The following PCDH11X variants were observed in gnomAD, a reference collection of about 807,000 sequenced individuals.
PCDH11X encodes the protein protocadherin-11 X-linked.
A neutral mutation model predicts 53.3 loss-of-function variants in PCDH11X; 18 were observed. That is an observed-to-expected ratio of 0.34 (90% confidence interval 0.23 to 0.50). The LOEUF is 0.50. Ranked by LOEUF, PCDH11X falls within the 20% of genes least tolerant of loss-of-function variation. The pLI is 0.98. For missense variants in PCDH11X, 570 were observed against 1,032.4 expected, an observed-to-expected ratio of 0.55 and a Z score of 6.14; for synonymous variants, 279 against 393.3, an observed-to-expected ratio of 0.71 and a Z score of 3.44.
intron 7 of PCDH11X, among the ~76,000 whole-genome samples, chrX:92,240,011 A>G (rs967225593): frequency 2.7e-5 from 3 of 112,081 alleles, no homozygotes; most frequent in Non-Finnish European, 5.6e-5. Flanking sequence ...TTCTAATGCT[A>G]GTTAACACAT....
chrX:92,117,174 C>T (rs964329121), intron 6 of PCDH11X, among the ~76,000 whole-genome samples: 1 of 108,551 alleles, frequency 9.2e-6, no homozygotes, highest in Admixed American at 1.0e-4. Context: ...TGGTGGCTCA[C>T]GCCTGTAATC....
chrX:92,153,092 G>C (rs1480435370), intron 6 of PCDH11X, among the ~76,000 whole-genome samples: 1 of 108,282 alleles, frequency 9.2e-6, no homozygotes, highest in Non-Finnish European at 1.9e-5. Context: ...GGCCTCTTTC[G>C]ATATTAACTG....
chrX:91,983,571 A>G (rs1357240306), intron 6 of PCDH11X: 2 of 449,262 alleles, frequency 4.5e-6, no homozygotes, highest in Non-Finnish European at 8.0e-6. Flanking sequence ...GTGCGGAGGC[A>G]GAGAACTAAG....
rs191866835 is a variant in PCDH11X at position 92,192,513 on chromosome X, T to A, written c.3034-8862T>A. 5.6e-4 allele frequency among the ~76,000 whole-genome samples: 61 copies of A among 109,528 alleles called. 1 individual carries two copies. Among genetic ancestry groups the A allele is most frequent in the African/African-American group, 1.9e-3 (57 of 30,009 alleles). ...GTGCGCCAACACGCCCAGCTAATTT[T>A]TTTTTTTGTATTTTTAGTAGAGATG... On this transcript the variant is annotated intron_variant, in intron 6 of 10. Transcript: ENST00000682573.
At chrX:92,114,726 G>A (rs2064600793) in intron 6 of PCDH11X, among the ~76,000 whole-genome samples, 1 of 111,196 alleles carries the variant, frequency 9.0e-6, no homozygotes, top group African/African-American at 3.3e-5. Context: ...TGGTTTCCTT[G>A]CTCCCTGCCT....
chrX:92,135,345 A>G (rs2065065130), intron 6 of PCDH11X, among the ~76,000 whole-genome samples: 1 of 111,623 alleles, frequency 9.0e-6, no homozygotes, highest in African/African-American at 3.3e-5. Context: ...TCACAATGAT[A>G]GTGTAACGAA....
intron 6 of PCDH11X, among the ~76,000 whole-genome samples, chrX:92,194,164 G>A (rs998923089): frequency 9.0e-6 from 1 of 111,466 alleles, no homozygotes; most frequent in Non-Finnish European, 1.9e-5. Context: ...AAAATAATTG[G>A]GGATCATTAG....
chrX:92,016,451 T>G (rs1602685563), intron 6 of PCDH11X, among the ~76,000 whole-genome samples: 1 of 110,320 alleles, frequency 9.1e-6, no homozygotes, highest in East Asian at 2.9e-4. Context: ...TGTTGTTCAG[T>G]GTAGCCACCT....
At chrX:92,581,713 A>G (rs1923730762) in intron 10 of PCDH11X, among the ~76,000 whole-genome samples, 1 of 112,056 alleles carries the variant, frequency 8.9e-6, no homozygotes, top group African/African-American at 3.2e-5. Flanking sequence ...TTTGGTATTA[A>G]GTAACAGGCA....
At chrX:92,615,001 G>T (rs1314375150) in intron 10 of PCDH11X, among the ~76,000 whole-genome samples, 2 of 111,656 alleles carry the variant, frequency 1.8e-5, no homozygotes, top group African/African-American at 3.3e-5. Context: ...CTGAAGATCT[G>T]CCTGGGCATA....
At chrX:92,574,825 A>G (rs1414411718) in intron 10 of PCDH11X, among the ~76,000 whole-genome samples, 1 of 110,996 alleles carries the variant, frequency 9.0e-6, no homozygotes. Flanking sequence ...TGAGAGGTAG[A>G]TGTTCTGCAT....
chrX:92,340,611 G>T (rs964060418), intron 8 of PCDH11X, among the ~76,000 whole-genome samples: 19 of 112,026 alleles, frequency 1.7e-4, no homozygotes, highest in Admixed American at 4.7e-4. Flanking sequence ...GAGGCCCTTA[G>T]AGCTGAGACT....
chrX:92,168,677 T>C (rs1433474706), intron 6 of PCDH11X, among the ~76,000 whole-genome samples: 1 of 112,063 alleles, frequency 8.9e-6, no homozygotes, highest in Non-Finnish European at 1.9e-5. Context: ...TTCCATTGTT[T>C]ACTATAGAAT....
intron 6 of PCDH11X, among the ~76,000 whole-genome samples, chrX:91,984,742 C>T (rs1263155013): frequency 5.4e-5 from 6 of 110,706 alleles, no homozygotes; most frequent in African/African-American, 2.0e-4. Flanking sequence ...GCCTTTCTCC[C>T]GCCCCCCATC....
At chrX:92,151,317 C>T (rs752052400) in intron 6 of PCDH11X, among the ~76,000 whole-genome samples, 2 of 110,152 alleles carry the variant, frequency 1.8e-5, no homozygotes, top group Non-Finnish European at 3.8e-5. Flanking sequence ...CTCAGCCTTC[C>T]GAGTAGCTGG....
At chrX:92,475,655 T>A (rs866686797) in intron 10 of PCDH11X, among the ~76,000 whole-genome samples, 5 of 111,877 alleles carry the variant, frequency 4.5e-5, no homozygotes, top group African/African-American at 1.6e-4. Flanking sequence ...TGCTTCGAGA[T>A]AGTCTCTTTT....
At chrX:92,127,914 T>G (rs2064899013) in intron 6 of PCDH11X, among the ~76,000 whole-genome samples, 1 of 111,570 alleles carries the variant, frequency 9.0e-6, no homozygotes, top group East Asian at 2.8e-4. Flanking sequence ...ACTGTTATGG[T>G]GATTATTGAA....
chrX:92,085,707 T>A (rs1370983757), intron 6 of PCDH11X, among the ~76,000 whole-genome samples: 1 of 111,257 alleles, frequency 9.0e-6, no homozygotes, highest in African/African-American at 3.3e-5. Flanking sequence ...CAGAACATTT[T>A]TTTTTCTTCC....
chrX:91,983,649 C>T, intron 6 of PCDH11X: 2 of 335,462 alleles, frequency 6.0e-6, no homozygotes, highest in South Asian at 6.8e-5. Flanking sequence ...CATTCACTGT[C>T]AGGAGAACAG....
Sources: allele counts gnomAD v4.1 joint callset (sites outside exome capture counted in the v4.1 genomes callset), GRCh38; gene constraint gnomAD v4.1.1; transcripts MANE v1.5; gene names NCBI Gene and HGNC (gene_info 2026-07-23, HGNC 2026-07-21).